Variants in FBXL17 observed in about 807,000 individuals in gnomAD.
FBXL17 encodes F-box and leucine rich repeat protein 17.
A neutral mutation model predicts 66.2 loss-of-function variants in FBXL17; 22 were observed. The ratio of observed to expected loss-of-function variants is 0.33; its 90% CI spans 0.24 to 0.47. FBXL17 has a LOEUF of 0.47. Among genes scored for constraint, FBXL17 ranks in the 20% least tolerant of loss-of-function variants. The probability of loss-of-function intolerance (pLI) is 1.00; values close to 1 mark genes in which losing one functional copy is unlikely to be tolerated. For synonymous variants in FBXL17, 474 were observed against 400.5 expected (o/e 1.18, Z -2.19); for missense variants, 878 against 948.2 (o/e 0.93, Z 0.97).
At position 108,300,105 on chromosome 5, in the gene FBXL17, T is replaced by C. The variant is rs544045452; in HGVS notation, c.1506+48294A>G. 3.3e-5 allele frequency among the ~76,000 whole-genome samples: 5 copies of C among 152,178 alleles called. 2 individuals are homozygous for C. The highest frequency in any genetic ancestry group is 1.2e-4 in the African/African-American group (5 of 41,574). The stretch of plus-strand genomic sequence containing the variant: ...GATTTTTGTTAACATTTTAGAATAA[T>C]CACTGCTTATACAAATGAATTAGTA... On this transcript the variant is annotated intron_variant, in intron 4 of 8. Coordinates refer to ENST00000542267, the MANE Select transcript of FBXL17 (RefSeq NM_001163315.3).
intron 7 of FBXL17, among the ~76,000 whole-genome samples, chr5:107,962,739 C>T (rs1020930487): frequency 6.6e-6 from 1 of 151,228 alleles, no homozygotes; most frequent in Middle Eastern, 3.4e-3. Flanking sequence ...TATCTATAAG[C>T]TAATTTTTTT....
chr5:108,075,311 T>C (rs368361258), intron 6 of FBXL17, among the ~76,000 whole-genome samples: 18 of 152,344 alleles, frequency 1.2e-4, no homozygotes, highest in African/African-American at 4.1e-4. Context: ...TTTATCTTCC[T>C]CTAACTAACA....
intron 7 of FBXL17, among the ~76,000 whole-genome samples, chr5:108,000,359 G>C (rs1368133367): frequency 6.6e-6 from 1 of 152,158 alleles, no homozygotes; most frequent in South Asian, 2.1e-4. Flanking sequence ...AGTATGCAGG[G>C]AGAAGATGAA....
rs936997380 is a variant in FBXL17, at chr5:108,359,846, A to G, written c.1374+4892T>C. On this transcript the variant is annotated intron_variant, in intron 3 of 8. Transcript: ENST00000542267. ...CTGTTCATCCTCTGCTTCTTTGTTA[A>G]TCTTCTTCCTAGTTGTGCTATTCAT... Among the ~76,000 whole-genome samples the G allele has an allele frequency of 2.6e-5, 4 of 152,058 alleles. No individual in the cohort carries two copies. The South Asian group carries it at 8.3e-4, about 32-fold the overall frequency.
chr5:108,042,156 A>G (rs1747073512), intron 6 of FBXL17, among the ~76,000 whole-genome samples: 1 of 152,130 alleles, frequency 6.6e-6, no homozygotes, highest in African/African-American at 2.4e-5. Flanking sequence ...GGCCTCCCAA[A>G]GTGCTGGGAT....
At position 107,982,540 on chromosome 5, in the gene FBXL17, G is replaced by C. The variant is rs143180439; in HGVS notation, c.1822+38385C>G. 7.3e-3 allele frequency among the ~76,000 whole-genome samples: 1,115 copies of C among 152,242 alleles called. 17 individuals carry two copies. Among genetic ancestry groups the C allele is most frequent in the African/African-American group, 0.023 (948 of 41,544 alleles). On this transcript the variant is annotated intron_variant, in intron 7 of 8. Coordinates refer to ENST00000542267, the MANE Select transcript of FBXL17 (RefSeq NM_001163315.3). ...CAAAACTTTCCGCTACTGAGAACCA[G>C]AGGAAAAACATGCAACCATTTGCTA... is the stretch of plus-strand genomic sequence containing the variant.
intron 6 of FBXL17, among the ~76,000 whole-genome samples, chr5:108,137,206 T>C (rs1751168163): frequency 6.6e-6 from 1 of 152,198 alleles, no homozygotes; most frequent in African/African-American, 2.4e-5. Flanking sequence ...AGAAGGATAA[T>C]TACATTCAGT....
intron 6 of FBXL17, among the ~76,000 whole-genome samples, chr5:108,071,170 T>A (rs1359571114): frequency 1.3e-5 from 2 of 152,182 alleles, no homozygotes; most frequent in Non-Finnish European, 2.9e-5. Flanking sequence ...AACTCAGTTG[T>A]CACACTGCAA....
At chr5:108,303,465 G>A (rs1222006353) in intron 4 of FBXL17, among the ~76,000 whole-genome samples, 1 of 151,142 alleles carries the variant, frequency 6.6e-6, no homozygotes, top group Non-Finnish European at 1.5e-5. Context: ...AAGACTACAG[G>A]CAAATAAAGA....
At chr5:107,916,766 T>C (rs1750146962) in intron 7 of FBXL17, among the ~76,000 whole-genome samples, 1 of 152,202 alleles carries the variant, frequency 6.6e-6, no homozygotes, top group South Asian at 2.1e-4. Context: ...CTTCTTCCCT[T>C]TATCTTGTTC....
chr5:107,966,124 T>A (rs1752129372), intron 7 of FBXL17, among the ~76,000 whole-genome samples: 1 of 152,164 alleles, frequency 6.6e-6, no homozygotes, highest in African/African-American at 2.4e-5. Context: ...TTGAAAACTT[T>A]GGGGTATTTG....
chr5:108,085,809 C>T (rs557783068), intron 6 of FBXL17, among the ~76,000 whole-genome samples: 5 of 152,206 alleles, frequency 3.3e-5, no homozygotes, highest in South Asian at 2.1e-4. Flanking sequence ...TAGTGGCATG[C>T]GCCTGTAGTC....
chr5:108,179,874 TGAAA>T (rs1366859473), intron 6 of FBXL17, among the ~76,000 whole-genome samples: 4 of 152,200 alleles, frequency 2.6e-5, no homozygotes, highest in African/African-American at 9.7e-5. Context: ...GATTTAAATA[TGAAA>T]TATCTAAAAT....
intron 6 of FBXL17, among the ~76,000 whole-genome samples, chr5:108,176,109 T>A (rs2150021590): frequency 6.6e-6 from 1 of 152,320 alleles, no homozygotes; most frequent in Admixed American, 6.5e-5. Context: ...GGTATCATCA[T>A]TTTCATCAAT....
rs191078428 is a variant in FBXL17 at position 108,167,109 on chromosome 5, A to G, written c.1745+19008T>C. Among the ~76,000 whole-genome samples, 123 of 152,232 alleles carry G rather than the reference A, an allele frequency of 8.1e-4. 1 individual carries two copies. The highest frequency in any genetic ancestry group is 2.9e-3 in the African/African-American group (120 of 41,530). On this transcript the variant is annotated intron_variant, in intron 6 of 8. Coordinates refer to ENST00000542267, the MANE Select transcript of FBXL17 (RefSeq NM_001163315.3). ...TTATGAATTTGAATGCACTTTGTCC[A>G]TTTAATCTGAAAACAGATAGTATAA... is the stretch of plus-strand genomic sequence containing the variant.
Position 108,133,438 on chromosome 5 carries a change from T to A in FBXL17, c.1745+52679A>T, listed in dbSNP as rs537785341. ...TTATAAGCAGCAATAATAAACTATT[T>A]GAAATTATGAGAGAAATCTTAAGTA... is the stretch of plus-strand genomic sequence containing the variant. On this transcript the variant is annotated intron_variant, in intron 6 of 8. Coordinates refer to ENST00000542267, the MANE Select transcript of FBXL17 (RefSeq NM_001163315.3). Among the ~76,000 whole-genome samples, 6 of 152,156 alleles carry A rather than the reference T, an allele frequency of 3.9e-5. No homozygotes were observed. In the South Asian group the frequency reaches 1.2e-3, roughly 31 times the overall value.
chr5:107,968,173 G>T (rs1333340828), intron 7 of FBXL17, among the ~76,000 whole-genome samples: 1 of 152,078 alleles, frequency 6.6e-6, no homozygotes, highest in East Asian at 1.9e-4. Context: ...GCTCTCAGGT[G>T]GGTATCCTTG....
chr5:107,877,634 C>G (rs1264165573), intron 8 of FBXL17, among the ~76,000 whole-genome samples: 1 of 152,116 alleles, frequency 6.6e-6, no homozygotes, highest in Non-Finnish European at 1.5e-5. Context: ...CAAGGACACA[C>G]AGACTTCACA....
chr5:108,257,084 C>G (rs1006659256), intron 4 of FBXL17, among the ~76,000 whole-genome samples: 8 of 152,136 alleles, frequency 5.3e-5, no homozygotes, highest in African/African-American at 1.9e-4. Context: ...ACTACCTGGG[C>G]TTTATATTGG....
Sources: gnomAD v4.1 joint callset for allele counts (sites outside exome capture counted in the v4.1 genomes callset) on GRCh38, gnomAD v4.1.1 for gene constraint, MANE v1.5 for transcripts, NCBI Gene and HGNC (gene_info 2026-07-23, HGNC 2026-07-21) for gene names.